Variants in SAMD5 observed in about 807,000 individuals in gnomAD.
SAMD5 encodes sterile alpha motif domain containing 5.
A neutral mutation model predicts 11.3 loss-of-function variants in SAMD5; 13 were observed. That is an observed-to-expected ratio of 1.15 (90% CI 0.75 to 1.83). The LOEUF is 1.83. Ranked by LOEUF, SAMD5 falls within the 40% of genes most tolerant of loss-of-function variation. The pLI is 0.00. For missense variants in SAMD5, 255 were observed against 239.1 expected, an observed-to-expected ratio of 1.07 and a Z score of -0.44; for synonymous variants, 129 against 111.3, an observed-to-expected ratio of 1.16 and a Z score of -1.00.
chr6:147,639,878 A>AT (rs146559836), intron 1 of SAMD5, among the ~76,000 whole-genome samples: 6,747 of 150,698 alleles, frequency 0.045, 186 homozygotes, highest in Middle Eastern at 0.059. Context: ...TCTAATTGAG[A>AT]TTTTTTTTTT....
the SAMD5 span, among the ~76,000 whole-genome samples, chr6:147,927,319 T>C: frequency 6.6e-6 from 1 of 152,232 alleles, no homozygotes; most frequent in African/African-American, 2.4e-5. Context: ...TCCATTTGTT[T>C]GTATCAGTTC....
chr6:147,944,974 A>G, the SAMD5 span, among the ~76,000 whole-genome samples: 1 of 152,196 alleles, frequency 6.6e-6, no homozygotes, highest in African/African-American at 2.4e-5. Flanking sequence ...ATCCTAAGAC[A>G]TATTCCGCAA....
chr6:147,738,669 G>A (rs1202877221), downstream of SAMD5, among the ~76,000 whole-genome samples: 1 of 152,082 alleles, frequency 6.6e-6, no homozygotes, highest in African/African-American at 2.4e-5. Flanking sequence ...ATGTCTATCT[G>A]CAGGTTTTAC....
intron 1 of SAMD5, among the ~76,000 whole-genome samples, chr6:147,624,766 T>A (rs1028088494): frequency 6.6e-6 from 1 of 151,946 alleles, no homozygotes; most frequent in Non-Finnish European, 1.5e-5. Flanking sequence ...ACAAATTGGG[T>A]TCGGTGTATA....
intron 1 of SAMD5, among the ~76,000 whole-genome samples, chr6:147,626,926 G>A (rs1790063706): frequency 6.6e-6 from 1 of 151,002 alleles, no homozygotes; most frequent in South Asian, 2.1e-4. Context: ...TTGCTTTGTT[G>A]TTATTCTATT....
At chr6:147,742,005 T>C (rs1261620721), downstream of SAMD5, 2 of 152,230 alleles carry the variant, frequency 1.3e-5, no homozygotes, top group African/African-American at 2.4e-5. Context: ...ATTTCTAGTT[T>C]GCAACCCATA....
chr6:147,564,276 A>C, intron 1 of SAMD5, 118 bp from the exon 2 acceptor site: 2 of 666,638 alleles, frequency 3.0e-6, no homozygotes, highest in Non-Finnish European at 5.5e-6. Flanking sequence ...TCAAAAGTCC[A>C]TGTGGTAAGC....
chr6:147,722,759 T>C lies in SAMD5; in HGVS notation c.163-14558T>C, dbSNP rs370027483. 2.6e-3 allele frequency among the ~76,000 whole-genome samples: 395 copies of C among 152,338 alleles called. 2 individuals are homozygous for C. The highest frequency in any genetic ancestry group is 9.0e-3 in the African/African-American group (376 of 41,574). On this transcript the variant is annotated intron_variant, in intron 1 of 1. Coordinates refer to the SAMD5 transcript ENST00000566741. ...TTTTGATTGAATGTCAGACACTGTG[T>C]ATAAAATAACAGAAGAGACTGCACT...
At chr6:147,723,370 T>C (rs937407280) in intron 1 of SAMD5, among the ~76,000 whole-genome samples, 1 of 152,188 alleles carries the variant, frequency 6.6e-6, no homozygotes, top group Non-Finnish European at 1.5e-5. Flanking sequence ...TTGCTTTTAT[T>C]CTTCCCCCAA....
chr6:147,883,187 T>G, the SAMD5 span, among the ~76,000 whole-genome samples: 55 of 152,346 alleles, frequency 3.6e-4, no homozygotes, highest in African/African-American at 1.3e-3. Context: ...TAGGCACGCT[T>G]GTGTATCTAA....
chr6:147,570,581 T>G (rs1046062594), downstream of SAMD5, among the ~76,000 whole-genome samples: 1 of 152,168 alleles, frequency 6.6e-6, no homozygotes, highest in Non-Finnish European at 1.5e-5. Context: ...AGACATTAAT[T>G]TGAAGAAGTT....
chr6:147,953,547 G>T, the SAMD5 span: 25 of 152,140 alleles, frequency 1.6e-4, no homozygotes, highest in African/African-American at 6.0e-4. Context: ...TTGAAACTAT[G>T]CATTTCAAGA....
chr6:147,595,674 C>G (rs1389953569), intron 1 of SAMD5, among the ~76,000 whole-genome samples: 2 of 151,690 alleles, frequency 1.3e-5, no homozygotes, highest in East Asian at 3.9e-4. Flanking sequence ...CTACAGGTGC[C>G]CACCACCACA....
intron 1 of SAMD5, among the ~76,000 whole-genome samples, chr6:147,717,939 G>C (rs1791491706): frequency 1.3e-5 from 2 of 152,114 alleles, no homozygotes; most frequent in Non-Finnish European, 2.9e-5. Context: ...TTTCCTTTTT[G>C]TAGAATGTTG....
the SAMD5 span, among the ~76,000 whole-genome samples, chr6:147,857,957 A>G: frequency 6.7e-6 from 1 of 148,244 alleles, no homozygotes; most frequent in South Asian, 2.1e-4. Context: ...TTCTGTCCCC[A>G]GTCTGATTGT....
the SAMD5 span, among the ~76,000 whole-genome samples, chr6:147,940,428 A>C: frequency 2.0e-5 from 3 of 152,164 alleles, no homozygotes; most frequent in Non-Finnish European, 4.4e-5. Flanking sequence ...TGTTCATCAC[A>C]GCGCCCTGCT....
the SAMD5 span, among the ~76,000 whole-genome samples, chr6:147,937,379 C>T: frequency 6.6e-6 from 1 of 152,110 alleles, no homozygotes; most frequent in East Asian, 1.9e-4. Flanking sequence ...CCTAACCATT[C>T]CTTAAAGTAG....
intron 1 of SAMD5, among the ~76,000 whole-genome samples, chr6:147,527,575 G>A (rs11155500): frequency 1.3e-5 from 2 of 151,746 alleles, no homozygotes; most frequent in East Asian, 3.9e-4. Flanking sequence ...ATATCATTTG[G>A]CCCCTGACCC....
the SAMD5 span, among the ~76,000 whole-genome samples, chr6:147,920,698 GTAA>G: frequency 1.3e-5 from 2 of 152,142 alleles, no homozygotes; most frequent in African/African-American, 4.8e-5. Context: ...GTTGATGCTG[GTAA>G]TAATAAGGAT....
Sources: gnomAD v4.1 joint callset for allele counts (sites outside exome capture counted in the v4.1 genomes callset) on GRCh38, gnomAD v4.1.1 for gene constraint, MANE v1.5 for transcripts, NCBI Gene and HGNC (gene_info 2026-07-23, HGNC 2026-07-21) for gene names.